Variants in COL26A1 observed in about 807,000 individuals in gnomAD.
COL26A1 encodes collagen type XXVI alpha 1 chain, also known as collagen alpha-1(XXVI) chain.
In COL26A1, 41 loss-of-function variants were observed where a neutral mutation model predicts 59.3. That is an observed-to-expected ratio of 0.69 (90% confidence interval 0.54 to 0.90). The LOEUF (loss-of-function observed/expected upper bound fraction) is 0.90. COL26A1 is among the 40% of genes least tolerant of loss of function. The pLI is 0.00. For synonymous variants in COL26A1, 266 were observed against 256.0 expected (o/e 1.04, Z -0.37); for missense variants, 612 against 602.3 (o/e 1.02, Z -0.17).
At chr7:101,499,949 G>T (rs1794667177) in intron 3 of COL26A1, among the ~76,000 whole-genome samples, 1 of 151,588 alleles carries the variant, frequency 6.6e-6, no homozygotes, top group Admixed American at 6.6e-5. Context: ...AGGCACAGTG[G>T]GTAGGGGCAG....
chr7:101,432,279 A>G (rs1419460186), intron 2 of COL26A1, among the ~76,000 whole-genome samples: 1 of 152,094 alleles, frequency 6.6e-6, no homozygotes, highest in Non-Finnish European at 1.5e-5. Context: ...GGTTTTGAAG[A>G]GATCCCTGGC....
chr7:101,431,384 C>G (rs1434319517), intron 2 of COL26A1, among the ~76,000 whole-genome samples: 2 of 151,996 alleles, frequency 1.3e-5, no homozygotes, highest in Non-Finnish European at 2.9e-5. Flanking sequence ...CTCAGCCTCC[C>G]CAATAGCTGG....
chr7:101,539,031 G>C (rs1163084871), intron 4 of COL26A1, among the ~76,000 whole-genome samples: 2 of 152,230 alleles, frequency 1.3e-5, no homozygotes, highest in Non-Finnish European at 2.9e-5. Context: ...CGGGGCCTCT[G>C]AGTCCTGGCT....
intron 2 of COL26A1, among the ~76,000 whole-genome samples, chr7:101,426,757 C>T (rs1445196367): frequency 6.6e-6 from 1 of 152,178 alleles, no homozygotes; most frequent in Non-Finnish European, 1.5e-5. Flanking sequence ...AATAAGAACC[C>T]TGGGAATGCA....
At chr7:101,502,514 G>A (rs111475049) in intron 3 of COL26A1, among the ~76,000 whole-genome samples, 236 of 152,316 alleles carry the variant, frequency 1.5e-3, no homozygotes, top group African/African-American at 5.2e-3. Context: ...TATACTAACA[G>A]GTCCCAGACT....
At chr7:101,475,420 A>C (rs943070990) in intron 3 of COL26A1, among the ~76,000 whole-genome samples, 3 of 151,958 alleles carry the variant, frequency 2.0e-5, no homozygotes, top group Non-Finnish European at 4.4e-5. Context: ...GTCAGAAAGA[A>C]CTTCCTGCTT....
intron 2 of COL26A1, among the ~76,000 whole-genome samples, chr7:101,433,049 G>A (rs892100750): frequency 2.6e-5 from 4 of 152,156 alleles, no homozygotes; most frequent in South Asian, 2.1e-4. Context: ...TGGACCGGAC[G>A]TGGTGGCTCA....
chr7:101,495,430 A>G (rs561577839), intron 3 of COL26A1, among the ~76,000 whole-genome samples: 34 of 148,914 alleles, frequency 2.3e-4, no homozygotes, highest in Admixed American at 6.7e-4. Flanking sequence ...TTTTTTTAAG[A>G]TGGAGTCTCG....
chr7:101,428,357 C>CAAAAGAA (rs1792696717), intron 2 of COL26A1, among the ~76,000 whole-genome samples: 1 of 130,606 alleles, frequency 7.7e-6, no homozygotes. Flanking sequence ...GACCCTGTCT[C>CAAAAGAA]AAAAAAAAAA....
chr7:101,467,882 G>T (rs1042564114), intron 3 of COL26A1, among the ~76,000 whole-genome samples: 13 of 151,264 alleles, frequency 8.6e-5, no homozygotes, highest in African/African-American at 3.2e-4. Flanking sequence ...AAAAGAAAAA[G>T]AAAAGGGAAG....
intron 1 of COL26A1, among the ~76,000 whole-genome samples, chr7:101,402,299 C>T (rs10223928): frequency 0.31 from 46,529 of 151,664 alleles, 7,588 homozygotes; most frequent in African/African-American, 0.41. Flanking sequence ...CAGGGATTTT[C>T]CCCCCCAAGT....
intron 1 of COL26A1, among the ~76,000 whole-genome samples, chr7:101,414,381 C>CCTCTCT (rs35093515): frequency 4.5e-4 from 66 of 145,582 alleles, no homozygotes; most frequent in Non-Finnish European, 6.2e-4. Context: ...AGGAAAGTCA[C>CCTCTCT]CTCTCTCTCT....
At chr7:101,526,130 C>A (rs528457586) in intron 3 of COL26A1, among the ~76,000 whole-genome samples, 7 of 151,656 alleles carry the variant, frequency 4.6e-5, no homozygotes, top group African/African-American at 1.7e-4. Context: ...CTCACTGCAA[C>A]CTCCGCCTCC....
intron 2 of COL26A1, among the ~76,000 whole-genome samples, chr7:101,423,727 T>G (rs1162781193): frequency 2.0e-5 from 3 of 147,586 alleles, no homozygotes; most frequent in Admixed American, 6.7e-5. Flanking sequence ...AGAGTGAGAC[T>G]CCGTCGCAAA....
intron 3 of COL26A1, among the ~76,000 whole-genome samples, chr7:101,493,622 T>G (rs1794515000): frequency 6.6e-6 from 1 of 151,972 alleles, no homozygotes; most frequent in Non-Finnish European, 1.5e-5. Flanking sequence ...CGGAATTTTG[T>G]TTTAAAAAAT....
intron 2 of COL26A1, among the ~76,000 whole-genome samples, chr7:101,429,987 G>A (rs1341856343): frequency 1.3e-5 from 2 of 152,094 alleles, no homozygotes; most frequent in Non-Finnish European, 2.9e-5. Flanking sequence ...GTCTTGATGG[G>A]ATTTTTTAAA....
At chr7:101,405,454 C>T (rs897659850) in intron 1 of COL26A1, among the ~76,000 whole-genome samples, 1 of 152,006 alleles carries the variant, frequency 6.6e-6, no homozygotes, top group Non-Finnish European at 1.5e-5. Flanking sequence ...CCCACCTCAG[C>T]TCCCCAAATT....
intron 2 of COL26A1, among the ~76,000 whole-genome samples, chr7:101,422,311 CA>C (rs112095038): frequency 3.4e-3 from 203 of 58,960 alleles, no homozygotes; most frequent in Admixed American, 4.5e-3. Flanking sequence ...AACTCCATCT[CA>C]AAAAAAAAAA....
At chr7:101,423,761 G>A (rs1011606250) in intron 2 of COL26A1, among the ~76,000 whole-genome samples, 3 of 151,568 alleles carry the variant, frequency 2.0e-5, no homozygotes, top group Non-Finnish European at 4.4e-5. Context: ...CGGGGTCTTC[G>A]ATGTGGTGTT....
Sources: gnomAD v4.1 joint callset for allele counts (sites outside exome capture counted in the v4.1 genomes callset) on GRCh38, gnomAD v4.1.1 for gene constraint, MANE v1.5 for transcripts, NCBI Gene and HGNC (gene_info 2026-07-23, HGNC 2026-07-21) for gene names.